The following THBS1 variants were observed in gnomAD, a reference collection of about 807,000 sequenced individuals.
THBS1 encodes the protein thrombospondin 1.
A neutral mutation model predicts 126.1 loss-of-function variants in THBS1; 29 were observed. The ratio of observed to expected loss-of-function variants is 0.23; its 90% CI spans 0.17 to 0.31. The LOEUF is 0.31. Among genes scored for constraint, THBS1 ranks in the 10% least tolerant of loss-of-function variants. THBS1 has a pLI of 1.00. For missense variants in THBS1, 1,198 were observed against 1,545.2 expected (o/e 0.78, Z 3.77); for synonymous variants, 496 against 577.8 (o/e 0.86, Z 2.03).
At chr15:39,588,326 CCTACT>C in intron 9 of THBS1, 108 bp downstream of exon 9, 1 of 1,392,290 alleles carries the variant, frequency 7.2e-7, no homozygotes, top group South Asian at 1.5e-5. Context: ...AGGAAGGTTA[CCTACT>C]AGAGAAACAA....
chr15:39,585,103 A>G (rs1340851833), intron 6 of THBS1, among the ~76,000 whole-genome samples: 1 of 152,194 alleles, frequency 6.6e-6, no homozygotes. Context: ...CCTCCCCCCA[A>G]ACACATAATA....
chr15:39,588,654 G>A lies in THBS1; in HGVS notation c.1600G>A (p.Asp534Asn), dbSNP rs1461317869. The A allele has an allele frequency of 6.2e-7, 1 of 1,604,330 alleles. No homozygotes were observed. Among genetic ancestry groups the A allele is most frequent in the Non-Finnish European group, 8.5e-7 (1 of 1,176,626 alleles). The change falls in exon 10 of 22, where the codon GAT becomes AAT. Residue 534 changes from aspartate to asparagine, a missense_variant. Physicochemically the swap from Asp to Asn is conservative, Grantham distance 23 (BLOSUM62 1). Around this residue, in one of 4 missense-constraint regions of THBS1, gnomAD observed 663 missense variants for 860.1 expected, o/e 0.77. Transcript: ENST00000260356. The stretch of plus-strand genomic sequence containing the variant: ...GTTTGGAGGCAAGGACTGCGTTGGT[G>A]ATGTAACAGAAAACCAGATCTGCAA... ...PQFGGKDCVGDVTENQICNKQ... is the reference protein window; with the variant it reads ...PQFGGKDCVGNVTENQICNKQ...
rs750987841 is a variant in THBS1 at position 39,595,343 on chromosome 15, A to G, written c.3506-19A>G. Reference sequence around the variant, plus strand: ...TTAGTTTTCATTTGTATATTTATTTATATTTGTTTATTTAACAGATCCCTA... The same window carrying G: ...TTAGTTTTCATTTGTATATTTATTTGTATTTGTTTATTTAACAGATCCCTA... On this transcript the variant is annotated intron_variant, in intron 21 of 21. Coordinates refer to ENST00000260356, the MANE Select transcript of THBS1 (RefSeq NM_003246.4). The G allele has an allele frequency of 2.1e-6, 3 of 1,404,824 alleles. No homozygotes were observed. The South Asian group carries it at 5.3e-5, about 25-fold the overall frequency. The allele number at this position is 1,404,824 out of a possible 1,614,324, so 87.0% of individuals were successfully genotyped here. A position where few individuals can be genotyped will look rare whatever the true frequency, so the allele number is the denominator to read the frequency against.
rs1890165653 is a variant in THBS1 at position 39,584,164 on chromosome 15, C to T, written c.880C>T (p.Leu294=). ...GGGCCTGCGCACCATTGTGACCACG[C>T]TGCAGGACAGCATCCGCAAAGTGGT... ...LRGLRTIVTT[L]QDSIRKVTEE... The change falls in exon 5 of 22, where the codon CTG becomes TTG. Residue 294 remains leucine (L), a synonymous_variant. Transcript: ENST00000260356. 1.2e-6 allele frequency: 2 copies of T among 1,614,160 alleles called. No individual in the cohort carries two copies. Among genetic ancestry groups the T allele is most frequent in the Non-Finnish European group, 1.7e-6 (2 of 1,180,018 alleles).
At position 39,594,508 on chromosome 15, in the gene THBS1, T is replaced by C; in HGVS notation, c.3505+68T>C. 6.3e-7 allele frequency: 1 copy of C among 1,574,846 alleles called. No homozygotes were observed. ...TTCAGACTAATATCAAGGATGACGGTTATGGGGGAGTCCAGTGTAAAGACT... is the reference window on the plus strand; with the variant it reads ...TTCAGACTAATATCAAGGATGACGGCTATGGGGGAGTCCAGTGTAAAGACT... On this transcript the variant is annotated intron_variant, in intron 21 of 21. Coordinates refer to ENST00000260356, the MANE Select transcript of THBS1 (RefSeq NM_003246.4). The surrounding 1 kb of genome is among the most constrained non-coding windows in gnomAD (Gnocchi z 4.4).
intron 5 of THBS1, 24 bp downstream of exon 5, chr15:39,584,211 C>G: frequency 6.2e-7 from 1 of 1,613,652 alleles, no homozygotes; most frequent in Non-Finnish European, 8.5e-7. Context: ...GCACCCAGCC[C>G]GTTAGCATGA....
chr15:39,583,930 C>CT, intron 4 of THBS1, 58 bp from the exon 5 acceptor site: 1 of 1,591,256 alleles, frequency 6.3e-7, no homozygotes, highest in Non-Finnish European at 8.6e-7. Flanking sequence ...CCACTAAGAA[C>CT]TCAAGAGGCT....
chr15:39,587,658 C>A, intron 8 of THBS1, 138 bp downstream of exon 8: 1 of 892,280 alleles, frequency 1.1e-6, no homozygotes, highest in Non-Finnish European at 1.7e-6. Flanking sequence ...TAGCTGTGCA[C>A]CCTTGAACAC....
chr15:39,591,392 C>T (rs753630404), intron 15 of THBS1, 42 bp downstream of exon 15: 3 of 1,598,746 alleles, frequency 1.9e-6, no homozygotes, highest in South Asian at 1.1e-5. Context: ...GAGACAGGGA[C>T]ATGCACAGCT....
Position 39,591,089 on chromosome 15 carries a change from A to G in THBS1, c.2254-102A>G, listed in dbSNP as rs922353368. On this transcript the variant is annotated intron_variant, in intron 14 of 21. Transcript: ENST00000260356. The stretch of plus-strand genomic sequence containing the variant: ...TTAGCCTATCCACTAGGTAGAAAGT[A>G]TTGCTGATTTTCACAGTTTTAGACA... 82 of 1,310,212 alleles carry G rather than the reference A, an allele frequency of 6.3e-5. 1 individual carries two copies. In the African/African-American group the frequency reaches 7.6e-4, roughly 12 times the overall value. 81.2% of individuals were successfully genotyped at this position (1,310,212 alleles called of 1,614,324 possible).
intron 6 of THBS1, among the ~76,000 whole-genome samples, chr15:39,584,951 T>C (rs1207613473): frequency 6.6e-6 from 1 of 152,250 alleles, no homozygotes; most frequent in Non-Finnish European, 1.5e-5. Flanking sequence ...TATCTATTAA[T>C]AGCAAAGTAT....
chr15:39,585,327 G>A, intron 6 of THBS1, 143 bp from the exon 7 acceptor site: 4 of 689,854 alleles, frequency 5.8e-6, no homozygotes, highest in Non-Finnish European at 1.0e-5. Context: ...AAATATGACA[G>A]AGACAGATCT....
chr15:39,582,174 G>A lies in THBS1; in HGVS notation c.68-19G>A. 6.4e-7 allele frequency: 1 copy of A among 1,570,312 alleles called. No individual in the cohort carries two copies. Among genetic ancestry groups the A allele is most frequent in the Non-Finnish European group, 8.6e-7 (1 of 1,157,934 alleles). On this transcript the variant is annotated intron_variant, in intron 2 of 21. Transcript: ENST00000260356. ...TCCCAGCCTAGAAAGCTCACTTTGT[G>A]TTCTCTCCTGTCTAACAGAGTCTGG... is the stretch of plus-strand genomic sequence containing the variant.
At chr15:39,581,638 A>AG in intron 1 of THBS1, 191 bp from the exon 2 acceptor site, 2 of 345,014 alleles carry the variant, frequency 5.8e-6, no homozygotes, top group Non-Finnish European at 4.9e-6. Context: ...TCTTTCCTCC[A>AG]CCTCTCTCTC....
rs1341027834 is a variant in THBS1, at chr15:39,598,583, G to A, written c.*3214G>A. ...AAAATACCAAGATAAGACAGAAAAA[G>A]TGACTGGAAAGAGGAGCTTTTCTTC... On this transcript the variant is annotated 3_prime_UTR_variant, in exon 22 of 22. Transcript: ENST00000260356. 6.6e-6 allele frequency: 1 copy of A among 152,186 alleles called. No individual in the cohort carries two copies. Among genetic ancestry groups the A allele is most frequent in the East Asian group, 1.9e-4 (1 of 5,198 alleles). 9.4% of individuals were successfully genotyped at this position (152,186 alleles called of 1,614,324 possible). A position where few individuals can be genotyped will look rare whatever the true frequency, so the allele number is the denominator to read the frequency against.
In THBS1 at chr15:39,588,072, C is replaced by T. The variant is rs1890242261; in HGVS notation, c.1325C>T (p.Ser442Phe). Residue 442 changes from serine to phenylalanine, a missense_variant, in exon 9 of 22, where the codon TCC becomes TTC. By Grantham distance (155) the Ser-to-Phe change is radical (BLOSUM62 -2). Coordinates refer to ENST00000260356, the MANE Select transcript of THBS1 (RefSeq NM_003246.4). ...FKQDGGWSHW[S>F]PWSSCSVTCG... ...CAGGATGGTGGCTGGAGCCACTGGT[C>T]CCCGTGGTCATCTTGTTCTGTGACA... 1 of 1,614,038 alleles carries T rather than the reference C, an allele frequency of 6.2e-7. No homozygotes were observed. Among genetic ancestry groups the T allele is most frequent in the Non-Finnish European group, 8.5e-7 (1 of 1,180,024 alleles).
At chr15:39,588,919 C>T (rs1890267616) in intron 10 of THBS1, 40 bp from the exon 11 acceptor site, 1 of 1,614,168 alleles carries the variant, frequency 6.2e-7, no homozygotes, top group Non-Finnish European at 8.5e-7. Flanking sequence ...GCAGCTTAGA[C>T]CAACCATTTA....
rs1890260909 is a variant in THBS1, at chr15:39,588,657, G to A, written c.1603G>A (p.Val535Ile). The change falls in exon 10 of 22, where the codon GTA becomes ATA. Residue 535 changes from valine (V) to isoleucine (I), a missense_variant. By Grantham distance (29) the Val-to-Ile change is conservative. Transcript: ENST00000260356. The stretch of plus-strand genomic sequence containing the variant: ...TGGAGGCAAGGACTGCGTTGGTGAT[G>A]TAACAGAAAACCAGATCTGCAACAA... ...QFGGKDCVGD[V>I]TENQICNKQD... is the part of the protein sequence containing the mutation. 8 of 1,603,796 alleles carry A rather than the reference G, an allele frequency of 5.0e-6. No homozygotes were observed. The highest frequency in any genetic ancestry group is 6.0e-6 in the Non-Finnish European group (7 of 1,176,334).
intron 14 of THBS1, 98 bp from the exon 15 acceptor site, chr15:39,591,093 C>T: frequency 7.3e-7 from 1 of 1,368,452 alleles, no homozygotes; most frequent in Non-Finnish European, 1.0e-6. Flanking sequence ...GAAAGTATTG[C>T]TGATTTTCAC....
Sources: allele counts gnomAD v4.1 joint callset (sites outside exome capture counted in the v4.1 genomes callset), GRCh38; gene constraint gnomAD v4.1.1; regional missense constraint gnomAD v4.1.1; non-coding constraint Gnocchi (gnomAD v3.1); transcripts MANE v1.5; gene names NCBI Gene and HGNC (gene_info 2026-07-23, HGNC 2026-07-21).